PKHD1: variants seen among roughly 807,000 people sequenced by gnomAD.
The protein encoded by PKHD1 is fibrocystin.
A neutral mutation model predicts 412.0 loss-of-function variants in PKHD1; 291 were observed. The observed-to-expected ratio is 0.71, with a 90% CI of 0.64 to 0.78. The LOEUF (loss-of-function observed/expected upper bound fraction) is 0.78, where lower values mean the gene tolerates loss of function less well. Ranked by LOEUF, PKHD1 falls within the 30% of genes least tolerant of loss-of-function variation. The probability of loss-of-function intolerance (pLI) is 0.00; values close to 1 mark genes in which losing one functional copy is unlikely to be tolerated. For missense variants in PKHD1, 4,825 were observed against 4,950.7 expected (o/e 0.97, Z 0.76); for synonymous variants, 1,777 against 1,821.5 (o/e 0.98, Z 0.62).
chr6:51,642,248 T>C (rs899815756), intron 63 of PKHD1, among the ~76,000 whole-genome samples: 3 of 152,012 alleles, frequency 2.0e-5, no homozygotes, highest in Non-Finnish European at 4.4e-5. Flanking sequence ...GGAGAAGGTA[T>C]GGGGAATAGG....
At chr6:51,733,401 G>T (rs376857193) in intron 60 of PKHD1, among the ~76,000 whole-genome samples, 22 of 151,852 alleles carry the variant, frequency 1.4e-4, no homozygotes, top group Admixed American at 1.4e-3. Context: ...TTAGCCGGGC[G>T]TGGTGGTGGG....
chr6:52,074,613 T>G (rs756824317), intron 6 of PKHD1, among the ~76,000 whole-genome samples: 8 of 152,202 alleles, frequency 5.3e-5, no homozygotes, highest in Non-Finnish European at 4.4e-5. Flanking sequence ...GTTTTGTTTC[T>G]AAACGAAGAT....
chr6:51,975,626 T>TAAAAAAAAAAAAAAAA (rs750698580), intron 35 of PKHD1: 1 of 128,478 alleles, frequency 7.8e-6, no homozygotes, highest in Non-Finnish European at 1.6e-5. Flanking sequence ...CTATCAGCCA[T>TAAAAAAAAAAAAAAAA]AAAAAAAAAA....
In PKHD1 at chr6:51,632,851, A is replaced by G. The variant is rs146308564; in HGVS notation, c.11507-128T>C. ...AGTAGGTGTTCAATATATATTCATT[A>G]AATTTAATAAATACATAAATTATAA... is the stretch of plus-strand genomic sequence containing the variant. On this transcript the variant is annotated intron_variant, in intron 64 of 66. Transcript: ENST00000371117. The G allele has an allele frequency of 1.4e-3, 767 of 555,300 alleles. 2 individuals carry two copies. Among genetic ancestry groups the G allele is most frequent in the African/African-American group, 0.013 (695 of 52,272 alleles). 34.4% of individuals were successfully genotyped at this position (555,300 alleles called of 1,614,324 possible).
intron 39 of PKHD1, 135 bp from the exon 40 acceptor site, chr6:51,909,609 CCTTTT>C (rs1446353188): frequency 1.4e-6 from 1 of 707,266 alleles, no homozygotes; most frequent in Non-Finnish European, 2.5e-6. Flanking sequence ...TCTTATTTCC[CCTTTT>C]CTTTGATTCT....
intron 35 of PKHD1, among the ~76,000 whole-genome samples, chr6:52,003,345 A>T (rs917699962): frequency 6.6e-6 from 1 of 152,176 alleles, no homozygotes; most frequent in African/African-American, 2.4e-5. Flanking sequence ...ACACTTAAAG[A>T]CCACAGCTTT....
chr6:51,967,971 T>A (rs964212048), intron 35 of PKHD1, among the ~76,000 whole-genome samples: 3 of 152,174 alleles, frequency 2.0e-5, no homozygotes, highest in Non-Finnish European at 4.4e-5. Flanking sequence ...CTTTCCCTGC[T>A]ATGAACGTTT....
chr6:51,993,114 C>G (rs1336379279), intron 35 of PKHD1, among the ~76,000 whole-genome samples: 1 of 152,218 alleles, frequency 6.6e-6, no homozygotes, highest in Non-Finnish European at 1.5e-5. Flanking sequence ...TTCCCCGTGA[C>G]AATTGTCATA....
chr6:51,884,518 T>C (rs1777893542), intron 45 of PKHD1, among the ~76,000 whole-genome samples: 1 of 152,198 alleles, frequency 6.6e-6, no homozygotes, highest in South Asian at 2.1e-4. Flanking sequence ...CGTTTTAAAT[T>C]TGCTGCTATT....
intron 60 of PKHD1, among the ~76,000 whole-genome samples, chr6:51,715,024 A>T (rs950732975): frequency 6.6e-6 from 1 of 152,076 alleles, no homozygotes; most frequent in Non-Finnish European, 1.5e-5. Flanking sequence ...AGAATTATTA[A>T]GATTGAGCCT....
chr6:52,030,600 AG>A lies in PKHD1; in HGVS notation c.3365-2250del, dbSNP rs557599670. 9.9e-5 allele frequency among the ~76,000 whole-genome samples: 15 copies of A among 152,038 alleles called. No individual in the cohort carries two copies. In the East Asian group the frequency reaches 2.9e-3, roughly 30 times the overall value. ...TTGACAGATTCACAGAGGAGGAGGA[AG>A]TCTCCCAGCATGAGACCTTCCAGAG... On this transcript the variant is annotated intron_variant, in intron 29 of 66. Coordinates refer to ENST00000371117, the MANE Select transcript of PKHD1 (RefSeq NM_138694.4).
At chr6:51,825,453 A>G (rs2151480103) in intron 52 of PKHD1, among the ~76,000 whole-genome samples, 1 of 152,230 alleles carries the variant, frequency 6.6e-6, no homozygotes, top group Admixed American at 6.5e-5. Flanking sequence ...GAGGAAGCCC[A>G]AGCAGCCCCA....
At chr6:51,713,524 G>A (rs993102283) in intron 60 of PKHD1, among the ~76,000 whole-genome samples, 6 of 152,198 alleles carry the variant, frequency 3.9e-5, no homozygotes, top group African/African-American at 1.4e-4. Context: ...GAAAAGATCT[G>A]CCGTGAGTAA....
At chr6:51,673,948 G>T (rs1167954187) in intron 60 of PKHD1, among the ~76,000 whole-genome samples, 2 of 152,184 alleles carry the variant, frequency 1.3e-5, no homozygotes, top group Non-Finnish European at 2.9e-5. Flanking sequence ...TGGAGGAACG[G>T]AGTAAAAGGT....
chr6:51,895,456 T>C (rs1779758476), intron 43 of PKHD1, among the ~76,000 whole-genome samples: 1 of 152,368 alleles, frequency 6.6e-6, no homozygotes, highest in African/African-American at 2.4e-5. Context: ...TGACTAAACT[T>C]ATTTTTCAGT....
At chr6:51,771,368 T>A (rs1466334858) in intron 55 of PKHD1, among the ~76,000 whole-genome samples, 1 of 152,136 alleles carries the variant, frequency 6.6e-6, no homozygotes, top group East Asian at 1.9e-4. Context: ...ATGCCTGTAA[T>A]CCCAGGCCTT....
intron 65 of PKHD1, among the ~76,000 whole-genome samples, chr6:51,631,118 C>G (rs1350409817): frequency 6.6e-6 from 1 of 151,866 alleles, no homozygotes; most frequent in East Asian, 1.9e-4. Flanking sequence ...AGGGAGAGAC[C>G]CCTGCATGGC....
chr6:51,934,047 T>G lies in PKHD1; in HGVS notation c.6121+63A>C. 3.1e-6 allele frequency: 4 copies of G among 1,286,810 alleles called. 1 individual carries two copies. Among genetic ancestry groups the G allele is most frequent in the Non-Finnish European group, 4.5e-6 (4 of 882,304 alleles). The allele number at this position is 1,286,810 out of a possible 1,614,324, so 79.7% of individuals were successfully genotyped here. A position where few individuals can be genotyped will look rare whatever the true frequency, so the allele number is the denominator to read the frequency against. ...TATAGTCAAGGACTTTTAAACAGTTTTATCAGTTTCCACTGCTAGACACAG... is the reference window on the plus strand; with the variant it reads ...TATAGTCAAGGACTTTTAAACAGTTGTATCAGTTTCCACTGCTAGACACAG... On this transcript the variant is annotated intron_variant, in intron 37 of 66. Coordinates refer to ENST00000371117, the MANE Select transcript of PKHD1 (RefSeq NM_138694.4).
chr6:51,917,426 A>G (rs1783999738), intron 37 of PKHD1, among the ~76,000 whole-genome samples: 1 of 152,092 alleles, frequency 6.6e-6, no homozygotes, highest in Non-Finnish European at 1.5e-5. Context: ...ACAAACACAA[A>G]GAACAGAGTC....
Sources: allele counts gnomAD v4.1 joint callset (sites outside exome capture counted in the v4.1 genomes callset), GRCh38; gene constraint gnomAD v4.1.1; transcripts MANE v1.5; gene names NCBI Gene and HGNC (gene_info 2026-07-23, HGNC 2026-07-21).